Variants in UNC13C observed in about 807,000 individuals in gnomAD.
The protein encoded by UNC13C is unc-13 homolog C.
In UNC13C, 174 loss-of-function variants were observed where a neutral mutation model predicts 245.4. The ratio of observed to expected loss-of-function variants is 0.71; its 90% CI spans 0.63 to 0.80. The LOEUF (loss-of-function observed/expected upper bound fraction) is 0.80, where lower values mean the gene tolerates loss of function less well. Ranked by LOEUF, UNC13C falls within the 30% of genes least tolerant of loss-of-function variation. The pLI, the probability that UNC13C is intolerant of heterozygous loss-of-function variation, is 0.00. For synonymous variants in UNC13C, 992 were observed against 895.1 expected (o/e 1.11, Z -1.93); for missense variants, 2,829 against 2,602.9 (o/e 1.09, Z -1.89).
At chr15:53,996,700 T>C (rs1352144894) in intron 1 of UNC13C, among the ~76,000 whole-genome samples, 3 of 152,186 alleles carry the variant, frequency 2.0e-5, no homozygotes, top group Non-Finnish European at 4.4e-5. Context: ...GAACTTAATA[T>C]ACATAAAATC....
chr15:54,581,663 G>A (rs1355067670), intron 30 of UNC13C, among the ~76,000 whole-genome samples: 2 of 152,196 alleles, frequency 1.3e-5, no homozygotes, highest in African/African-American at 2.4e-5. Context: ...CTGGGGATTA[G>A]GACTTCAACA....
chr15:53,909,412 T>C, the UNC13C span, among the ~76,000 whole-genome samples: 1 of 146,896 alleles, frequency 6.8e-6, no homozygotes, highest in Admixed American at 7.0e-5. Flanking sequence ...GATAGAATCC[T>C]ACTTCACATT....
At chr15:54,080,823 C>A (rs1442783030) in intron 2 of UNC13C, among the ~76,000 whole-genome samples, 1 of 151,608 alleles carries the variant, frequency 6.6e-6, no homozygotes, top group African/African-American at 2.4e-5. Flanking sequence ...TCCATTTAAT[C>A]TTTGTTGTTT....
intron 4 of UNC13C, among the ~76,000 whole-genome samples, chr15:54,211,285 G>A (rs1192482170): frequency 6.6e-6 from 1 of 152,088 alleles, no homozygotes; most frequent in Non-Finnish European, 1.5e-5. Context: ...GTAGAATGAT[G>A]CTAAGGGTCC....
intron 19 of UNC13C, among the ~76,000 whole-genome samples, chr15:54,467,407 C>T (rs1026000786): frequency 1.3e-5 from 2 of 151,384 alleles, no homozygotes; most frequent in East Asian, 3.9e-4. Context: ...TTTTTTTTTA[C>T]AAGATTTTAA....
At position 54,458,377 on chromosome 15, in the gene UNC13C, G is replaced by C. The variant is rs140172060; in HGVS notation, c.4934-36231G>C. 7.9e-5 allele frequency among the ~76,000 whole-genome samples: 12 copies of C among 152,136 alleles called. No homozygotes were observed. The South Asian group carries it at 2.3e-3, about 29-fold the overall frequency. On this transcript the variant is annotated intron_variant, in intron 19 of 32. Coordinates refer to ENST00000260323, the MANE Select transcript of UNC13C (RefSeq NM_001080534.3). Reference sequence around the variant, plus strand: ...ATATTCTGCAGTTGTTGGTTAGAACGTTCTGCAAATATCTGTTAAATCCAT... The same window carrying C: ...ATATTCTGCAGTTGTTGGTTAGAACCTTCTGCAAATATCTGTTAAATCCAT...
chr15:54,440,038 A>G (rs1373227590), intron 19 of UNC13C, among the ~76,000 whole-genome samples: 4 of 151,864 alleles, frequency 2.6e-5, no homozygotes, highest in Admixed American at 6.6e-5. Flanking sequence ...CCCATAATGT[A>G]TCAAGGCAGG....
chr15:54,566,910 T>G (rs746954772), intron 29 of UNC13C, among the ~76,000 whole-genome samples: 5 of 152,122 alleles, frequency 3.3e-5, no homozygotes, highest in Non-Finnish European at 7.4e-5. Context: ...CAGTTACTAG[T>G]GAGTGCTTTG....
intron 30 of UNC13C, among the ~76,000 whole-genome samples, chr15:54,608,193 A>G (rs568665087): frequency 6.6e-5 from 10 of 152,352 alleles, no homozygotes; most frequent in African/African-American, 2.4e-4. Context: ...GTTAAAACTA[A>G]TGTAACAGAA....
intron 19 of UNC13C, among the ~76,000 whole-genome samples, chr15:54,491,190 T>C (rs892235633): frequency 6.6e-6 from 1 of 152,244 alleles, no homozygotes; most frequent in Non-Finnish European, 1.5e-5. Context: ...ATTCTCTTCA[T>C]GTACAAATGC....
At chr15:54,413,912 G>C (rs2040465874) in intron 18 of UNC13C, among the ~76,000 whole-genome samples, 1 of 152,136 alleles carries the variant, frequency 6.6e-6, no homozygotes, top group Admixed American at 6.5e-5. Context: ...TATATATAGA[G>C]AGAAAATACT....
intron 19 of UNC13C, among the ~76,000 whole-genome samples, chr15:54,492,334 TTAA>T (rs1478812956): frequency 6.6e-6 from 1 of 152,118 alleles, no homozygotes; most frequent in Non-Finnish European, 1.5e-5. Flanking sequence ...ATACAAATTA[TTAA>T]TATTAGATAT....
chr15:53,994,311 A>G (rs1894522259), intron 1 of UNC13C, among the ~76,000 whole-genome samples: 1 of 151,938 alleles, frequency 6.6e-6, no homozygotes, highest in Admixed American at 6.6e-5. Context: ...ATGTCTTGCT[A>G]TCAGGTATTT....
intron 19 of UNC13C, among the ~76,000 whole-genome samples, chr15:54,428,899 A>G (rs563549964): frequency 1.3e-5 from 2 of 151,800 alleles, no homozygotes; most frequent in South Asian, 2.1e-4. Context: ...TGGTTGATCA[A>G]TCACTGAAGG....
In UNC13C at chr15:54,147,705, G is replaced by GGGGTGT. The variant is rs33941534; in HGVS notation, c.3071+4022_3071+4023insGGTGTG. Reference sequence around the variant, plus strand: ...TTGAATTATAAGAAGCATCACAAGGGGTGTGTGTGTGTGTGTGTATTCTGA... The same window carrying GGGGTGT: ...TTGAATTATAAGAAGCATCACAAGGGGGGTGTGTGTGTGTGTGTGTGTGTATTCTGA... On this transcript the variant is annotated intron_variant, in intron 4 of 32. Transcript: ENST00000260323. Among the ~76,000 whole-genome samples the GGGGTGT allele has an allele frequency of 3.9e-4, 59 of 149,910 alleles. 1 individual carries two copies. Among genetic ancestry groups the GGGGTGT allele is most frequent in the South Asian group, 3.8e-3 (18 of 4,740 alleles).
intron 11 of UNC13C, among the ~76,000 whole-genome samples, chr15:54,297,285 C>T (rs7182669): frequency 0.054 from 8,183 of 152,052 alleles, 483 homozygotes; most frequent in East Asian, 0.21. Flanking sequence ...ATCTGTAAGA[C>T]GCTTGATAAT....
At chr15:54,127,889 C>G (rs1218476906) in intron 2 of UNC13C, among the ~76,000 whole-genome samples, 1 of 151,076 alleles carries the variant, frequency 6.6e-6, no homozygotes, top group Non-Finnish European at 1.5e-5. Flanking sequence ...CTCATCACTC[C>G]TGTTCAACAT....
At chr15:54,056,297 G>A (rs1358460689) in intron 2 of UNC13C, among the ~76,000 whole-genome samples, 3 of 152,126 alleles carry the variant, frequency 2.0e-5, no homozygotes, top group Non-Finnish European at 4.4e-5. Context: ...CATGGCACGA[G>A]ACCTACGTGA....
At chr15:54,435,789 G>A (rs1406864893) in intron 19 of UNC13C, among the ~76,000 whole-genome samples, 33 of 150,782 alleles carry the variant, frequency 2.2e-4, no homozygotes, top group Admixed American at 2.2e-3. Context: ...GAGTGAACAG[G>A]CAACCTACAG....
Sources: gnomAD v4.1 joint callset for allele counts (sites outside exome capture counted in the v4.1 genomes callset) on GRCh38, gnomAD v4.1.1 for gene constraint, MANE v1.5 for transcripts, NCBI Gene and HGNC (gene_info 2026-07-23, HGNC 2026-07-21) for gene names.